SAMD5: variants seen among roughly 807,000 people sequenced by gnomAD.
The protein encoded by SAMD5 is sterile alpha motif domain containing 5.
SAMD5 carries 13 observed loss-of-function variants against 11.3 expected under a neutral mutation model. That is an observed-to-expected ratio of 1.15 (90% CI 0.75 to 1.83). The LOEUF (loss-of-function observed/expected upper bound fraction) is 1.83, where lower values mean the gene tolerates loss of function less well. SAMD5 is among the 40% of genes most tolerant of loss of function. SAMD5 has a pLI of 0.00. For synonymous variants in SAMD5, 129 were observed against 111.3 expected (o/e 1.16, Z -1.00); for missense variants, 255 against 239.1 (o/e 1.07, Z -0.44).
chr6:147,601,577 G>A (rs13206979), intron 1 of SAMD5, among the ~76,000 whole-genome samples: 173 of 152,136 alleles, frequency 1.1e-3, no homozygotes, highest in Non-Finnish European at 1.8e-3. Context: ...CCTTCCCAAC[G>A]GAACACACGT....
the SAMD5 span, among the ~76,000 whole-genome samples, chr6:147,869,313 T>G: frequency 6.6e-6 from 1 of 152,176 alleles, no homozygotes; most frequent in Non-Finnish European, 1.5e-5. Context: ...GAAGGGCATT[T>G]CTCTCAAGGT....
chr6:147,715,742 C>T (rs1791457263), intron 1 of SAMD5, among the ~76,000 whole-genome samples: 1 of 152,162 alleles, frequency 6.6e-6, no homozygotes, highest in South Asian at 2.1e-4. Context: ...TACTGAGCAA[C>T]AGAACAGCTC....
the SAMD5 span, among the ~76,000 whole-genome samples, chr6:147,863,277 C>A: frequency 1.3e-5 from 2 of 152,138 alleles, no homozygotes; most frequent in Non-Finnish European, 2.9e-5. Context: ...TACACAGGCC[C>A]TCAGGAATAT....
chr6:147,671,889 ATT>A lies in SAMD5; in HGVS notation c.163-65406_163-65405del, dbSNP rs56865442. ...TTTCTTCTCATTTTTCTTTTTCAGG[ATT>A]TTTTTTTTTTTTTTTTTTTTTAGCT... On this transcript the variant is annotated intron_variant, in intron 1 of 1. Coordinates refer to the SAMD5 transcript ENST00000566741. Among the ~76,000 whole-genome samples, 135 of 98,040 alleles carry A rather than the reference ATT, an allele frequency of 1.4e-3. 1 individual carries two copies. Among genetic ancestry groups the A allele is most frequent in the African/African-American group, 5.0e-3 (124 of 24,668 alleles). 64.3% of individuals were successfully genotyped at this position (98,040 alleles called of 152,430 possible).
At chr6:147,954,074 A>G in the SAMD5 span, 76 of 152,364 alleles carry the variant, frequency 5.0e-4, 1 homozygote, top group African/African-American at 1.8e-3. Flanking sequence ...GGGCCGTAAC[A>G]TAACTTTTTA....
At chr6:147,755,347 C>G in the SAMD5 span, among the ~76,000 whole-genome samples, 1 of 151,742 alleles carries the variant, frequency 6.6e-6, no homozygotes. Flanking sequence ...TTTTTAATTT[C>G]TTTTTTAGTA....
intron 1 of SAMD5, among the ~76,000 whole-genome samples, chr6:147,553,423 T>A (rs747775966): frequency 4.6e-5 from 7 of 152,206 alleles, no homozygotes; most frequent in Non-Finnish European, 7.4e-5. Context: ...GTATGCCTCA[T>A]GTGTTCTCCA....
chr6:147,781,764 T>TTG, the SAMD5 span, among the ~76,000 whole-genome samples: 64 of 109,252 alleles, frequency 5.9e-4, 1 homozygote, highest in African/African-American at 1.7e-3. Context: ...TGTATATAAT[T>TTG]TGTGTGCGCA....
Position 147,569,992 on chromosome 6 carries a change from T to C in SAMD5, c.*5536T>C. Reference sequence around the variant, plus strand: ...CTGTGATTTGCAAACATATGTCCGCTCTTCAATAAATGTTACGGCTTTCAC... The same window carrying C: ...CTGTGATTTGCAAACATATGTCCGCCCTTCAATAAATGTTACGGCTTTCAC... On this transcript the variant is annotated 3_prime_UTR_variant, in exon 2 of 2. Transcript: ENST00000367474. 2.0e-6 allele frequency: 2 copies of C among 984,858 alleles called. No homozygotes were observed. The highest frequency in any genetic ancestry group is 6.1e-5 in the Admixed American group (1 of 16,282). The allele number at this position is 984,858 out of a possible 1,614,324, so 61.0% of individuals were successfully genotyped here. A position where few individuals can be genotyped will look rare whatever the true frequency, so the allele number is the denominator to read the frequency against.
At chr6:147,658,218 G>A (rs1174629433) in intron 1 of SAMD5, among the ~76,000 whole-genome samples, 1 of 152,066 alleles carries the variant, frequency 6.6e-6, no homozygotes, top group African/African-American at 2.4e-5. Context: ...GTGAGGCTGG[G>A]CACATTTTAT....
intron 1 of SAMD5, among the ~76,000 whole-genome samples, chr6:147,632,234 A>G (rs917721684): frequency 4.6e-5 from 7 of 152,190 alleles, no homozygotes; most frequent in Admixed American, 1.3e-4. Context: ...TTGGAAGTAA[A>G]GCGGCCTTGA....
chr6:147,792,136 T>C, the SAMD5 span, among the ~76,000 whole-genome samples: 1 of 152,178 alleles, frequency 6.6e-6, no homozygotes, highest in African/African-American at 2.4e-5. Flanking sequence ...TTATTATAAA[T>C]TTATGAAACA....
At chr6:147,661,487 C>T (rs1038103172) in intron 1 of SAMD5, among the ~76,000 whole-genome samples, 10 of 152,074 alleles carry the variant, frequency 6.6e-5, no homozygotes, top group African/African-American at 2.2e-4. Context: ...AATTGCCAGC[C>T]CCCAAATTAT....
chr6:147,704,613 G>T (rs1191044210), intron 1 of SAMD5, among the ~76,000 whole-genome samples: 1 of 152,134 alleles, frequency 6.6e-6, no homozygotes, highest in Non-Finnish European at 1.5e-5. Flanking sequence ...ATTGGAAGAA[G>T]AATATATTGT....
intron 1 of SAMD5, among the ~76,000 whole-genome samples, chr6:147,509,915 G>A (rs1353565415): frequency 6.6e-6 from 1 of 152,142 alleles, no homozygotes; most frequent in African/African-American, 2.4e-5. Flanking sequence ...GCAAATTTGA[G>A]AAGCTTACCA....
At chr6:147,828,573 T>C in the SAMD5 span, among the ~76,000 whole-genome samples, 70,543 of 152,052 alleles carry the variant, frequency 0.46, 19,528 homozygotes, top group African/African-American at 0.79. Flanking sequence ...TCTGAGCCTA[T>C]GTCTTCCTCC....
the SAMD5 span, among the ~76,000 whole-genome samples, chr6:147,918,840 G>T: frequency 1.3e-5 from 2 of 152,008 alleles, no homozygotes; most frequent in African/African-American, 4.8e-5. Context: ...GAGTAGCTGG[G>T]ACTACAGGCA....
At chr6:147,888,664 C>T in the SAMD5 span, among the ~76,000 whole-genome samples, 3 of 152,058 alleles carry the variant, frequency 2.0e-5, no homozygotes, top group Non-Finnish European at 4.4e-5. Context: ...AGATGTATCA[C>T]CTGAGATCAG....
chr6:147,731,074 T>G (rs1791706168), intron 1 of SAMD5, among the ~76,000 whole-genome samples: 1 of 152,196 alleles, frequency 6.6e-6, no homozygotes, highest in South Asian at 2.1e-4. Flanking sequence ...CACCACCTTA[T>G]GAGGGAGATG....
Sources: gnomAD v4.1 joint callset for allele counts (sites outside exome capture counted in the v4.1 genomes callset) on GRCh38, gnomAD v4.1.1 for gene constraint, MANE v1.5 for transcripts, NCBI Gene and HGNC (gene_info 2026-07-23, HGNC 2026-07-21) for gene names.